Variants in FAAH2 observed in about 807,000 individuals in gnomAD.
The protein encoded by FAAH2 is fatty-acid amide hydrolase 2.
Under a neutral mutation model 36.9 loss-of-function variants are expected in FAAH2, and 60 were observed. That is an observed-to-expected ratio of 1.63 (90% CI 1.32 to 2.02). The LOEUF (loss-of-function observed/expected upper bound fraction) is 2.02, where lower values mean the gene tolerates loss of function less well. Among genes scored for constraint, FAAH2 ranks in the 30% most tolerant of loss-of-function variants. FAAH2 has a pLI of 0.00. For missense variants in FAAH2, 689 were observed against 397.5 expected (o/e 1.73, Z -6.23); for synonymous variants, 214 against 143.8 (o/e 1.49, Z -3.49).
At chrX:57,367,039 C>A (rs184215854) in intron 5 of FAAH2, among the ~76,000 whole-genome samples, 1 of 112,339 alleles carries the variant, frequency 8.9e-6, no homozygotes, top group African/African-American at 3.2e-5. Flanking sequence ...CTCAGGTGTA[C>A]GTGGTGGTTG....
chrX:57,418,933 G>T lies in FAAH2; in HGVS notation c.997-12985G>T, dbSNP rs749001609. The stretch of plus-strand genomic sequence containing the variant: ...CTTCCTGTGTCCATGTGTTCTCGTT[G>T]TTCAATTCCCACCTATGAGTGAGAA... On this transcript the variant is annotated intron_variant, in intron 7 of 10. Coordinates refer to ENST00000374900, the MANE Select transcript of FAAH2 (RefSeq NM_174912.4). 1.4e-4 allele frequency among the ~76,000 whole-genome samples: 13 copies of T among 93,119 alleles called. 1 individual carries two copies. In the South Asian group the frequency reaches 6.8e-3, roughly 49 times the overall value. The allele number at this position is 93,119 out of a possible 115,157, so 80.9% of individuals were successfully genotyped here.
intron 2 of FAAH2, among the ~76,000 whole-genome samples, chrX:57,301,584 C>A (rs1425294180): frequency 1.0e-5 from 1 of 96,837 alleles, no homozygotes; most frequent in African/African-American, 3.7e-5. Flanking sequence ...GCACGTTGTG[C>A]ACATGTACCC....
At chrX:57,136,260 C>G in the FAAH2 span, 18 of 1,200,467 alleles carry the variant, frequency 1.5e-5, no homozygotes, top group Non-Finnish European at 1.9e-5. Flanking sequence ...TGATGCCACC[C>G]TGTCAGAAAG....
chrX:57,403,781 T>C (rs1430389345), intron 7 of FAAH2, among the ~76,000 whole-genome samples: 1 of 112,317 alleles, frequency 8.9e-6, no homozygotes, highest in East Asian at 2.8e-4. Flanking sequence ...TATTGTCCTG[T>C]CCTGAAGGGA....
chrX:57,178,299 T>C, the FAAH2 span, among the ~76,000 whole-genome samples: 104 of 112,374 alleles, frequency 9.3e-4, no homozygotes, highest in Non-Finnish European at 1.7e-3. Flanking sequence ...ACAATTATTA[T>C]AGCTGAGGTT....
chrX:57,217,108 A>G, the FAAH2 span, among the ~76,000 whole-genome samples: 20 of 110,652 alleles, frequency 1.8e-4, no homozygotes, highest in African/African-American at 6.2e-4. Context: ...TCCTTAGCCC[A>G]CTTTTTGATG....
chrX:57,362,960 G>T lies in FAAH2; in HGVS notation c.743-15691G>T, dbSNP rs182424416. 2.8e-3 allele frequency among the ~76,000 whole-genome samples: 316 copies of T among 111,767 alleles called. 1 individual carries two copies. The highest frequency in any genetic ancestry group is 4.0e-3 in the Non-Finnish European group (211 of 53,129). On this transcript the variant is annotated intron_variant, in intron 5 of 10. Coordinates refer to ENST00000374900, the MANE Select transcript of FAAH2 (RefSeq NM_174912.4). ...GTGTCTGGTTTTATAACAATATGAT[G>T]TTGCTTGGTTACTGCAGCCTTGTAG...
chrX:57,360,766 C>T (rs767937677), intron 5 of FAAH2, among the ~76,000 whole-genome samples: 23 of 110,747 alleles, frequency 2.1e-4, no homozygotes, highest in Admixed American at 6.7e-4. Context: ...CCTATCAACC[C>T]GTCATCTAGG....
the FAAH2 span, among the ~76,000 whole-genome samples, chrX:57,130,627 T>C: frequency 1.8e-5 from 2 of 112,320 alleles, no homozygotes; most frequent in African/African-American, 3.2e-5. Flanking sequence ...AAACTAGTGG[T>C]TTTACTTAGC....
At chrX:57,138,436 A>C in the FAAH2 span, among the ~76,000 whole-genome samples, 1 of 110,147 alleles carries the variant, frequency 9.1e-6, no homozygotes, top group Non-Finnish European at 1.9e-5. Flanking sequence ...ATATATATAT[A>C]TCACATTTTT....
chrX:57,294,611 C>T (rs936890561), intron 2 of FAAH2, among the ~76,000 whole-genome samples: 17 of 111,942 alleles, frequency 1.5e-4, no homozygotes, highest in East Asian at 2.8e-4. Context: ...CTATTCTAAT[C>T]GTACGGAACT....
intron 10 of FAAH2, among the ~76,000 whole-genome samples, chrX:57,474,389 T>A (rs2057227210): frequency 9.1e-6 from 1 of 110,311 alleles, no homozygotes. Flanking sequence ...CCTCAGTGTG[T>A]GATTTTCCCC....
At chrX:57,443,857 G>C (rs1047434824) in intron 8 of FAAH2, among the ~76,000 whole-genome samples, 1 of 112,249 alleles carries the variant, frequency 8.9e-6, no homozygotes, top group Non-Finnish European at 1.9e-5. Context: ...TTGCAGGTCT[G>C]TTGGAGTTTA....
At chrX:57,150,836 A>T in the FAAH2 span, among the ~76,000 whole-genome samples, 2 of 111,875 alleles carry the variant, frequency 1.8e-5, no homozygotes, top group Non-Finnish European at 3.8e-5. Flanking sequence ...TCGTTAGTTG[A>T]TGCAGTTTCT....
upstream of FAAH2, among the ~76,000 whole-genome samples, chrX:57,282,222 C>T (rs2051761345): frequency 8.9e-6 from 1 of 112,003 alleles, no homozygotes; most frequent in African/African-American, 3.2e-5. Context: ...TACAACCTCA[C>T]CAGCATGTGT....
chrX:57,318,481 A>C (rs774902321), intron 3 of FAAH2, among the ~76,000 whole-genome samples: 1 of 111,295 alleles, frequency 9.0e-6, no homozygotes, highest in South Asian at 3.7e-4. Context: ...GGAAGAAGTC[A>C]AGTACCTGAA....
chrX:57,268,407 G>A, the FAAH2 span, among the ~76,000 whole-genome samples: 58 of 111,448 alleles, frequency 5.2e-4, 1 homozygote, highest in Non-Finnish European at 1.5e-4. Context: ...AGGAGAATGG[G>A]ACCAACTTGG....
At chrX:57,172,215 G>T in the FAAH2 span, among the ~76,000 whole-genome samples, 1 of 111,784 alleles carries the variant, frequency 8.9e-6, no homozygotes, top group East Asian at 2.8e-4. Flanking sequence ...TTTTGCTTAG[G>T]ATTTCCTTGG....
At chrX:57,148,357 A>T in the FAAH2 span, among the ~76,000 whole-genome samples, 7 of 111,663 alleles carry the variant, frequency 6.3e-5, no homozygotes, top group South Asian at 3.8e-4. Flanking sequence ...TTGGGCATTA[A>T]GGCCATTTTC....
Sources: allele counts gnomAD v4.1 joint callset (sites outside exome capture counted in the v4.1 genomes callset), GRCh38; gene constraint gnomAD v4.1.1; transcripts MANE v1.5; gene names NCBI Gene and HGNC (gene_info 2026-07-23, HGNC 2026-07-21).